Variants in CROCC observed in about 807,000 individuals in gnomAD.
The protein encoded by CROCC is rootletin.
In CROCC, 180 loss-of-function variants were observed where a neutral mutation model predicts 245.2. The ratio of observed to expected loss-of-function variants is 0.73; its 90% CI spans 0.65 to 0.83. The LOEUF (loss-of-function observed/expected upper bound fraction) is 0.83, where lower values mean the gene tolerates loss of function less well. Among genes scored for constraint, CROCC ranks in the 40% least tolerant of loss-of-function variants. The probability of loss-of-function intolerance (pLI) is 0.00; values close to 1 mark genes in which losing one functional copy is unlikely to be tolerated. For synonymous variants in CROCC, 1,205 were observed against 1,241.6 expected (o/e 0.97, Z 0.62); for missense variants, 2,688 against 2,779.4 (o/e 0.97, Z 0.74).
At chr1:16,972,074 G>A (rs1012591471) in intron 36 of CROCC, among the ~76,000 whole-genome samples, 1 of 152,238 alleles carries the variant, frequency 6.6e-6, no homozygotes, top group Non-Finnish European at 1.5e-5. Flanking sequence ...AGGCCGGGCT[G>A]GGTCACATGT....
chr1:16,948,550 C>T (rs1210698881), intron 18 of CROCC, 26 bp downstream of exon 18: 39 of 1,500,726 alleles, frequency 2.6e-5, no homozygotes, highest in African/African-American at 4.2e-5. Context: ...CTGCCCAACC[C>T]GCCCTGGGGG....
At chr1:16,949,311 C>A (rs530212602) in intron 19 of CROCC, among the ~76,000 whole-genome samples, 1 of 152,204 alleles carries the variant, frequency 6.6e-6, no homozygotes, top group Non-Finnish European at 1.5e-5. Context: ...CCCAGCCCCA[C>A]TTCCCTGCAC....
At chr1:16,925,944 G>T (rs1332659363) in intron 3 of CROCC, among the ~76,000 whole-genome samples, 1 of 152,270 alleles carries the variant, frequency 6.6e-6, no homozygotes, top group Admixed American at 6.5e-5. Flanking sequence ...TCCATGCATG[G>T]CACAGTGCCA....
At position 16,930,172 on chromosome 1, in the gene CROCC, G is replaced by C; in HGVS notation, c.586G>C (p.Glu196Gln). 1 of 1,592,700 alleles carries C rather than the reference G, an allele frequency of 6.3e-7. No individual in the cohort carries two copies. Among genetic ancestry groups the C allele is most frequent in the Non-Finnish European group, 8.5e-7 (1 of 1,170,338 alleles). The change falls in exon 5 of 37, where the codon GAG becomes CAG. Residue 196 changes from glutamate to glutamine, a missense_variant. Around this residue, in one of 9 missense-constraint regions of CROCC, gnomAD observed 972 missense variants for 895.3 expected, o/e 1.09. Transcript: ENST00000375541. ...CTCGGAGCTGGAGCAGCAGCTGCTG[G>C]AGAGATCCGGAGAGCTGGAGCAGCA... ...RCSELEQQLL[E>Q]RSGELEQQRL...
At position 16,929,968 on chromosome 1, in the gene CROCC, G is replaced by C; in HGVS notation, c.474G>C (p.Lys158Asn). ...LQEEQASYRR[K>N]LQAYQEGQQR... is the part of the protein sequence containing the mutation. ...AGGAGCAGGCCTCCTACCGGCGCAAGCTGCAGGCCTACCAGGAGGGCCAGC... is the reference window on the plus strand; with the variant it reads ...AGGAGCAGGCCTCCTACCGGCGCAACCTGCAGGCCTACCAGGAGGGCCAGC... The change falls in exon 4 of 37, where the codon AAG (lysine) becomes AAC (asparagine). Residue 158 changes from lysine to asparagine, a missense_variant. Coordinates refer to ENST00000375541, the MANE Select transcript of CROCC (RefSeq NM_014675.5). 1 of 1,586,990 alleles carries C rather than the reference G, an allele frequency of 6.3e-7. No individual in the cohort carries two copies. Among genetic ancestry groups the C allele is most frequent in the East Asian group, 2.3e-5 (1 of 44,246 alleles).
At chr1:16,928,775 C>T (rs2075594834) in intron 3 of CROCC, among the ~76,000 whole-genome samples, 2 of 151,598 alleles carry the variant, frequency 1.3e-5, no homozygotes, top group African/African-American at 4.8e-5. Context: ...TGCACTCCAG[C>T]CCAGGAGACA....
upstream of CROCC, among the ~76,000 whole-genome samples, chr1:16,919,683 C>G (rs1472555874): frequency 6.6e-6 from 1 of 152,294 alleles, no homozygotes; most frequent in South Asian, 2.1e-4. Context: ...ACAATAGGAA[C>G]AGTGGCCCCC....
At chr1:16,928,693 C>T (rs1307755550) in intron 3 of CROCC, among the ~76,000 whole-genome samples, 5 of 151,868 alleles carry the variant, frequency 3.3e-5, no homozygotes, top group Non-Finnish European at 5.9e-5. Context: ...GTCCCAGCTA[C>T]TTGGGAGACT....
In CROCC at chr1:16,961,521, C is replaced by T. The variant is rs150988539; in HGVS notation, c.4405+391C>T. On this transcript the variant is annotated intron_variant, in intron 27 of 36. Transcript: ENST00000375541. ...TCCTGGCCTCAAGCGATCCTCCTGT[C>T]TCAGCCTCTCAGGGTTGGGATTAGA... Among the ~76,000 whole-genome samples the T allele has an allele frequency of 2.5e-3, 375 of 151,812 alleles. 8 individuals are homozygous for T. In the East Asian group the frequency reaches 0.028, roughly 11 times the overall value.
At chr1:16,930,249 C>G (rs2075639275) in intron 5 of CROCC, 37 bp from the exon 6 acceptor site, 2 of 1,588,900 alleles carry the variant, frequency 1.3e-6, no homozygotes, top group Non-Finnish European at 1.7e-6. Flanking sequence ...TGCCCTCCAC[C>G]TGCCCAACCT....
intron 36 of CROCC, 32 bp from the exon 37 acceptor site, chr1:16,972,328 C>A (rs559935469): frequency 6.3e-7 from 1 of 1,591,464 alleles, no homozygotes; most frequent in Non-Finnish European, 8.6e-7. Context: ...GGCTGAGGAC[C>A]TGGCTGGCCT....
At chr1:16,938,824 C>T in intron 11 of CROCC, 85 bp from the exon 12 acceptor site, 4 of 1,332,018 alleles carry the variant, frequency 3.0e-6, no homozygotes, top group Non-Finnish European at 3.2e-6. Flanking sequence ...GAGGCAGCCC[C>T]CAGCCTCACC....
intron 31 of CROCC, 67 bp from the exon 32 acceptor site, chr1:16,969,049 C>A: frequency 6.9e-7 from 1 of 1,450,762 alleles, no homozygotes; most frequent in Non-Finnish European, 9.5e-7. Flanking sequence ...GTGGAGGTCA[C>A]AGTGGGAGCA....
rs56278097 is a variant in CROCC at position 16,969,269 on chromosome 1, A to G, written c.5230A>G (p.Ser1744Gly). ...GGCCCAGAGCAGTGCCAGCCTCAAC[A>G]GCACCCGGGACAAGAACCTGCATCT... Reference protein sequence around the residue: ...ALAQSSASLNSTRDKNLHLQK... With the variant: ...ALAQSSASLNGTRDKNLHLQK... The change falls in exon 32 of 37, where the codon AGC becomes GGC. Residue 1744 changes from serine (S) to glycine (G), a missense_variant. Ser to Gly is a moderately conservative substitution (Grantham distance 56, BLOSUM62 0). Transcript: ENST00000375541. The G allele has an allele frequency of 0.059, 95,381 of 1,613,134 alleles. 4,565 individuals are homozygous for G. Among genetic ancestry groups the G allele is most frequent in the African/African-American group, 0.24 (18,183 of 74,974 alleles).
chr1:16,925,760 C>T (rs1250166197), intron 3 of CROCC, among the ~76,000 whole-genome samples: 4 of 152,260 alleles, frequency 2.6e-5, no homozygotes, highest in South Asian at 2.1e-4. Flanking sequence ...GACAAACCCA[C>T]GACTAGTTGG....
At position 16,938,991 on chromosome 1, in the gene CROCC, G is replaced by C. The variant is rs767457542; in HGVS notation, c.1457G>C (p.Gly486Ala). Residue 486 changes from glycine (G) to alanine (A), a missense_variant, in exon 12 of 37, where the codon GGG (glycine) becomes GCG (alanine). Around this residue, in one of 9 missense-constraint regions of CROCC, gnomAD observed 972 missense variants for 895.3 expected, o/e 1.09. Transcript: ENST00000375541. ...TADASNGSLR[G>A]LSGQRTPSPP... Reference sequence around the variant, plus strand: ...GATGCTTCCAACGGCAGCCTGCGGGGGCTCTCGGGCCAGCGGACCCCGTCC... The same window carrying C: ...GATGCTTCCAACGGCAGCCTGCGGGCGCTCTCGGGCCAGCGGACCCCGTCC... 1.9e-6 allele frequency: 3 copies of C among 1,604,712 alleles called. No homozygotes were observed. Among genetic ancestry groups the C allele is most frequent in the Non-Finnish European group, 1.7e-6 (2 of 1,177,142 alleles).
rs978639240 is a variant in CROCC, at chr1:16,972,517, C to G, written c.*71C>G. On this transcript the variant is annotated 3_prime_UTR_variant, in exon 37 of 37. Coordinates refer to ENST00000375541, the MANE Select transcript of CROCC (RefSeq NM_014675.5). ...AGGACCCTTCTTTTGGACAGCCCCCCCACCCAGAGCCCGGTCCCTTGGGGG... is the reference window on the plus strand; with the variant it reads ...AGGACCCTTCTTTTGGACAGCCCCCGCACCCAGAGCCCGGTCCCTTGGGGG... 6.6e-5 allele frequency: 67 copies of G among 1,014,052 alleles called. 1 individual carries two copies. The highest frequency in any genetic ancestry group is 8.9e-5 in the Non-Finnish European group (63 of 709,890). 62.8% of individuals were successfully genotyped at this position (1,014,052 alleles called of 1,614,324 possible). A position where few individuals can be genotyped will look rare whatever the true frequency, so the allele number is the denominator to read the frequency against.
At chr1:16,948,684 C>G in intron 18 of CROCC, 115 bp from the exon 19 acceptor site, 1 of 1,541,406 alleles carries the variant, frequency 6.5e-7, no homozygotes, top group Non-Finnish European at 8.7e-7. Flanking sequence ...GAGTGTGGGC[C>G]TGGCCAGGCA....
chr1:16,954,947 C>G lies in CROCC; in HGVS notation c.3465+70C>G. On this transcript the variant is annotated intron_variant, in intron 23 of 36. Transcript: ENST00000375541. The surrounding 1 kb of genome is among the most constrained non-coding windows in gnomAD (Gnocchi z 4.4). ...ACTGTGTGCCTGGGGGCCTAGTTCC[C>G]CAGGGCCCCAGAAGAGTGTAAGATT... is the stretch of plus-strand genomic sequence containing the variant. The G allele has an allele frequency of 6.9e-7, 1 of 1,441,322 alleles. No homozygotes were observed. Among genetic ancestry groups the G allele is most frequent in the Non-Finnish European group, 9.2e-7 (1 of 1,089,268 alleles). The allele number at this position is 1,441,322 out of a possible 1,614,324, so 89.3% of individuals were successfully genotyped here.
Sources: gnomAD v4.1 joint callset for allele counts (sites outside exome capture counted in the v4.1 genomes callset) on GRCh38, gnomAD v4.1.1 for gene constraint, gnomAD v4.1.1 regional missense constraint, Gnocchi (gnomAD v3.1) non-coding constraint, MANE v1.5 for transcripts, NCBI Gene and HGNC (gene_info 2026-07-23, HGNC 2026-07-21) for gene names.